The following CACNB4 variants were observed in gnomAD, a reference collection of about 807,000 sequenced individuals.
CACNB4 encodes the protein calcium voltage-gated channel auxiliary subunit beta 4.
CACNB4 carries 32 observed loss-of-function variants against 71.2 expected under a neutral mutation model. The observed-to-expected ratio is 0.45, with a 90% confidence interval of 0.34 to 0.60. CACNB4 has a LOEUF of 0.60. CACNB4 is among the 20% of genes least tolerant of loss of function. The probability of loss-of-function intolerance (pLI) is 0.01; values close to 1 mark genes in which losing one functional copy is unlikely to be tolerated. For missense variants in CACNB4, 464 were observed against 647.9 expected (o/e 0.72, Z 3.08); for synonymous variants, 231 against 236.9 (o/e 0.97, Z 0.23).
chr2:151,900,329 G>A (rs182769797), intron 2 of CACNB4, among the ~76,000 whole-genome samples: 2 of 152,326 alleles, frequency 1.3e-5, no homozygotes, highest in East Asian at 1.9e-4. Flanking sequence ...GTTGCAAAAA[G>A]GCAGAGGTCA....
intron 2 of CACNB4, among the ~76,000 whole-genome samples, chr2:152,016,816 T>C (rs967268304): frequency 6.6e-6 from 1 of 152,208 alleles, no homozygotes; most frequent in African/African-American, 2.4e-5. Flanking sequence ...AAATATAATA[T>C]TCATAGTAAT....
At chr2:151,927,292 C>A (rs1578831831) in intron 2 of CACNB4, among the ~76,000 whole-genome samples, 1 of 152,084 alleles carries the variant, frequency 6.6e-6, no homozygotes, top group South Asian at 2.1e-4. Context: ...ACTGCTAAAG[C>A]AATGCTCTTG....
chr2:152,061,182 T>C (rs1317884485), intron 2 of CACNB4, among the ~76,000 whole-genome samples: 4 of 152,038 alleles, frequency 2.6e-5, no homozygotes, highest in Non-Finnish European at 5.9e-5. Flanking sequence ...TGGTGGCACA[T>C]GCCTGTAGCC....
chr2:151,916,276 T>A (rs1309076013), intron 2 of CACNB4, among the ~76,000 whole-genome samples: 3 of 152,208 alleles, frequency 2.0e-5, no homozygotes, highest in African/African-American at 7.2e-5. Flanking sequence ...TCCTTTTTTA[T>A]GCATAAAATT....
Position 151,883,275 on chromosome 2 carries a change from T to C in CACNB4, c.243A>G (p.Ala81=). The change falls in exon 3 of 14, where the codon GCA becomes GCG. Residue 81 remains alanine (A), a synonymous_variant. Coordinates refer to ENST00000539935, the MANE Select transcript of CACNB4 (RefSeq NM_000726.5). ...CCTTTGCTCTCTCAAGCTGGATAGC[T>C]GCTTGCTGTTCTCTCTCCTGTCGAA... ...EAIRQEREQQ[A]AIQLERAKSK... is the part of the protein sequence containing the mutation. 6.2e-7 allele frequency: 1 copy of C among 1,614,018 alleles called. No individual in the cohort carries two copies. Among genetic ancestry groups the C allele is most frequent in the Non-Finnish European group, 8.5e-7 (1 of 1,179,872 alleles).
Position 151,870,830 on chromosome 2 carries a change from A to C in CACNB4, c.618+12T>G. The C allele has an allele frequency of 6.3e-7, 1 of 1,598,694 alleles. No individual in the cohort carries two copies. The highest frequency in any genetic ancestry group is 2.2e-5 in the East Asian group (1 of 44,738). ...ACCTTAACAGTAGATTTAAAAAGGA[A>C]ACACAACTTACCACTTTTTGCTTCT... On this transcript the variant is annotated intron_variant, in intron 7 of 13. Transcript: ENST00000539935.
chr2:151,908,719 G>A (rs763726464), intron 2 of CACNB4, among the ~76,000 whole-genome samples: 2 of 152,180 alleles, frequency 1.3e-5, no homozygotes, highest in African/African-American at 4.8e-5. Context: ...AGTGAGGGCA[G>A]AGTGAAAGAA....
chr2:151,883,048 A>C (rs2099848378), intron 3 of CACNB4: 1 of 565,820 alleles, frequency 1.8e-6, no homozygotes, highest in Non-Finnish European at 3.1e-6. Context: ...CAAATACAAA[A>C]AGGTGAAGGT....
chr2:152,051,459 A>C (rs1430924989), intron 2 of CACNB4, among the ~76,000 whole-genome samples: 1 of 152,146 alleles, frequency 6.6e-6, no homozygotes, highest in Non-Finnish European at 1.5e-5. Context: ...CCTAATCTCC[A>C]GTGTGATGGC....
chr2:151,986,058 CTA>C (rs1274033756), intron 2 of CACNB4, among the ~76,000 whole-genome samples: 1 of 152,186 alleles, frequency 6.6e-6, no homozygotes, highest in African/African-American at 2.4e-5. Context: ...GATGAAAAAG[CTA>C]CTACATGCAC....
Position 152,076,323 on chromosome 2 carries a change from T to C in CACNB4, c.147+22007A>G, listed in dbSNP as rs572345100. Among the ~76,000 whole-genome samples the C allele has an allele frequency of 9.3e-5, 14 of 149,946 alleles. 1 individual carries two copies. Among genetic ancestry groups the C allele is most frequent in the Admixed American group, 5.3e-4 (8 of 15,090 alleles). On this transcript the variant is annotated intron_variant, in intron 2 of 13. Transcript: ENST00000539935. ...CACCTGGCTAATTTTTTGGGTTTTT[T>C]TTTTTTTTTTTGTATTTTTTTGTAG...
chr2:152,098,257 C>A lies in CACNB4; in HGVS notation c.147+73G>T. 1 of 1,241,562 alleles carries A rather than the reference C, an allele frequency of 8.1e-7. No individual in the cohort carries two copies. 76.9% of individuals were successfully genotyped at this position (1,241,562 alleles called of 1,614,324 possible). On this transcript the variant is annotated intron_variant, in intron 2 of 13. Coordinates refer to ENST00000539935, the MANE Select transcript of CACNB4 (RefSeq NM_000726.5). This position sits in a 1 kb window ranked among gnomAD's most constrained non-coding sequence, Gnocchi z 5.3. ...CCGCAGCTCCCGCACGTGTGGGCCA[C>A]GGCCGGCTCCAGGACCCCCGCGCCG... is the stretch of plus-strand genomic sequence containing the variant.
intron 2 of CACNB4, 153 bp from the exon 3 acceptor site, chr2:151,883,523 T>A (rs1170421812): frequency 1.4e-6 from 1 of 713,154 alleles, no homozygotes; most frequent in Non-Finnish European, 2.5e-6. Flanking sequence ...GATGGCAGAA[T>A]ATAGTTAAGC....
chr2:152,035,485 G>A (rs577124162), intron 2 of CACNB4, among the ~76,000 whole-genome samples: 149 of 152,210 alleles, frequency 9.8e-4, no homozygotes, highest in African/African-American at 3.2e-3. Context: ...GCTTGAACCC[G>A]GGAGGCGGAG....
At chr2:152,015,465 G>A (rs889262838) in intron 2 of CACNB4, among the ~76,000 whole-genome samples, 1 of 152,140 alleles carries the variant, frequency 6.6e-6, no homozygotes, top group Admixed American at 6.5e-5. Flanking sequence ...TATATCATCT[G>A]TAAGTTCTAG....
chr2:152,070,134 C>T lies in CACNB4; in HGVS notation c.147+28196G>A, dbSNP rs372965746. On this transcript the variant is annotated intron_variant, in intron 2 of 13. Transcript: ENST00000539935. ...CTGGGATTACAGGCGTGAGCCACCACGCCTGGCCAACTTCATCAATATTTA... is the reference window on the plus strand; with the variant it reads ...CTGGGATTACAGGCGTGAGCCACCATGCCTGGCCAACTTCATCAATATTTA... Among the ~76,000 whole-genome samples, 74 of 152,240 alleles carry T rather than the reference C, an allele frequency of 4.9e-4. 2 individuals carry two copies. In the South Asian group the frequency reaches 0.013, roughly 27 times the overall value.
At chr2:151,926,371 G>C (rs1193426373) in intron 2 of CACNB4, among the ~76,000 whole-genome samples, 2 of 152,148 alleles carry the variant, frequency 1.3e-5, no homozygotes, top group Admixed American at 1.3e-4. Context: ...GGAAGTCATT[G>C]GCAACCCTGA....
intron 2 of CACNB4, among the ~76,000 whole-genome samples, chr2:151,928,461 T>TCCCTA (rs1268587369): frequency 1.3e-5 from 2 of 152,192 alleles, no homozygotes; most frequent in African/African-American, 4.8e-5. Flanking sequence ...TGGTAGGCAG[T>TCCCTA]CCCTAAAGGG....
At chr2:151,960,769 A>G (rs2099869458) in intron 2 of CACNB4, among the ~76,000 whole-genome samples, 1 of 152,190 alleles carries the variant, frequency 6.6e-6, no homozygotes, top group South Asian at 2.1e-4. Flanking sequence ...TAGCAATGGA[A>G]AGTAAGGGCC....
Sources: allele counts gnomAD v4.1 joint callset (sites outside exome capture counted in the v4.1 genomes callset), GRCh38; gene constraint gnomAD v4.1.1; non-coding constraint Gnocchi (gnomAD v3.1); transcripts MANE v1.5; gene names NCBI Gene and HGNC (gene_info 2026-07-23, HGNC 2026-07-21).